TTN: variants seen among roughly 807,000 people sequenced by gnomAD.
TTN encodes the protein connectin.
Under a neutral mutation model 3,223.0 loss-of-function variants are expected in TTN, and 1,525 were observed. The observed-to-expected ratio is 0.47, with a 90% CI of 0.45 to 0.49. The LOEUF (loss-of-function observed/expected upper bound fraction) is 0.49, where lower values mean the gene tolerates loss of function less well. Among genes scored for constraint, TTN ranks in the 20% least tolerant of loss-of-function variants. TTN has a pLI of 0.00. For synonymous variants in TTN, 14,094 were observed against 15,161.0 expected, an observed-to-expected ratio of 0.93 and a Z score of 5.17; for missense variants, 40,786 against 43,424.0, an observed-to-expected ratio of 0.94 and a Z score of 5.40.
chr2:178,666,765 A>G, intron 163 of TTN, 59 bp downstream of exon 163: 1 of 1,395,418 alleles, frequency 7.2e-7, no homozygotes, highest in Non-Finnish European at 9.7e-7. Context: ...GTATTTTTAC[A>G]TGTGTTAAGT....
In TTN at chr2:178,714,000, G is replaced by C; in HGVS notation, c.26658C>G (p.Gly8886=). The change falls in exon 92 of 363, where the codon GGC becomes GGG. Residue 8886 remains glycine (G), a synonymous_variant. Transcript: ENST00000589042. ...TCGGTGCTACATTGATGATCTTAAG[G>C]CCGGATACTTTGTTGAAGAAGCTTA... is the stretch of plus-strand genomic sequence containing the variant. The part of the protein sequence containing the change: ...YKISFFNKVS[G]LKIINVAPSD... The C allele has an allele frequency of 6.2e-7, 1 of 1,613,560 alleles. No individual in the cohort carries two copies. Among genetic ancestry groups the C allele is most frequent in the South Asian group, 1.1e-5 (1 of 91,046 alleles).
Position 178,591,009 on chromosome 2 carries a change from C to G in TTN, c.60716G>C (p.Gly20239Ala). The G allele has an allele frequency of 6.2e-7, 1 of 1,613,454 alleles. No homozygotes were observed. Among genetic ancestry groups the G allele is most frequent in the Non-Finnish European group, 8.5e-7 (1 of 1,179,556 alleles). The change falls in exon 304 of 363, where the codon GGC becomes GCC. Residue 20239 changes from glycine (G) to alanine (A), a missense_variant. Coordinates refer to ENST00000589042, the MANE Select transcript of TTN (RefSeq NM_001267550.2). Reference sequence around the variant, plus strand: ...TCTAACTCGGAAAACATATTCACAGCCCTTCTGCAGATGTGGGATTTTCAG... The same window carrying G: ...TCTAACTCGGAAAACATATTCACAGGCCTTCTGCAGATGTGGGATTTTCAG... ...TKLKIPHLQK[G>A]CEYVFRVRAE...
chr2:178,678,275 A>G, intron 144 of TTN, 67 bp from the exon 145 acceptor site: 1 of 1,537,516 alleles, frequency 6.5e-7, no homozygotes, highest in Non-Finnish European at 8.8e-7. Flanking sequence ...TAGATATGAA[A>G]AAGAATCACA....
Position 178,618,423 on chromosome 2 carries a change from C to T in TTN, c.47035G>A (p.Glu15679Lys). Residue 15679 changes from glutamate (E) to lysine (K), a missense_variant, in exon 252 of 363, where the codon GAA becomes AAA. Transcript: ENST00000589042. The stretch of plus-strand genomic sequence containing the variant: ...CTTCCACCATCAGTTAAAGGTTCTT[C>T]CCAAGCAAGGCTCACTTCACCATCA... ...TFDGEVSLAW[E>K]EPLTDGGSKI... The T allele has an allele frequency of 6.2e-7, 1 of 1,612,516 alleles. No homozygotes were observed. The highest frequency in any genetic ancestry group is 8.5e-7 in the Non-Finnish European group (1 of 1,179,138).
At chr2:178,645,713 T>C (rs1331669301) in intron 217 of TTN, 1 of 383,688 alleles carries the variant, frequency 2.6e-6, no homozygotes, top group East Asian at 4.3e-5. Context: ...CAATGTACTT[T>C]CTGACTTTTG....
In TTN at chr2:178,573,951, T is replaced by C. The variant is rs201482015; in HGVS notation, c.72181A>G (p.Met24061Val). 7.9e-5 allele frequency: 127 copies of C among 1,613,362 alleles called. No homozygotes were observed. In the African/African-American group the frequency reaches 1.5e-3, roughly 19 times the overall value. ...ADVSGRPPPT[M>V]EWSKDGKELE... ...TCTTTTCCATCTTTGCTCCATTCCA[T>C]TGTTGGAGGTGGGCGGCCTGAAACA... is the stretch of plus-strand genomic sequence containing the variant. The change falls in exon 326 of 363, where the codon ATG (methionine) becomes GTG (valine). Residue 24061 changes from methionine (M) to valine (V), a missense_variant. Physicochemically the swap from Met to Val is conservative, Grantham distance 21. Transcript: ENST00000589042.
In TTN at chr2:178,534,796, A is replaced by G. The variant is rs184789288; in HGVS notation, c.101819T>C (p.Ile33940Thr). Residue 33940 changes from isoleucine (I) to threonine (T), a missense_variant, in exon 358 of 363, where the codon ATT becomes ACT. By Grantham distance (89) the Ile-to-Thr change is moderately conservative. Transcript: ENST00000589042. ...LHSHNIGHFD[I>T]RPENIIYQTR... The stretch of plus-strand genomic sequence containing the variant: ...TTGGTAAATGATATTTTCTGGTCTA[A>G]TGTCAAAGTGTCCAATATTATGACT... The G allele has an allele frequency of 6.2e-7, 1 of 1,612,262 alleles. No homozygotes were observed. Among genetic ancestry groups the G allele is most frequent in the East Asian group, 2.2e-5 (1 of 44,868 alleles).
rs1226052300 is a variant in TTN, at chr2:178,762,084, A to G, written c.10114+2093T>C. 2.0e-5 allele frequency among the ~76,000 whole-genome samples: 3 copies of G among 152,272 alleles called. No individual in the cohort carries two copies. The South Asian group carries it at 6.2e-4, about 32-fold the overall frequency. On this transcript the variant is annotated intron_variant, in intron 43 of 362. Coordinates refer to ENST00000589042, the MANE Select transcript of TTN (RefSeq NM_001267550.2). ...GCTTCAGAAAGTATTACAACCCCCAAGAACATGGGAGCTTCTGAAGACTCC... is the reference window on the plus strand; with the variant it reads ...GCTTCAGAAAGTATTACAACCCCCAGGAACATGGGAGCTTCTGAAGACTCC...
In TTN at chr2:178,612,060, T is replaced by C. The variant is rs765976576; in HGVS notation, c.50351A>G (p.Gln16784Arg). The change falls in exon 267 of 363, where the codon CAG (glutamine) becomes CGG (arginine). Residue 16784 changes from glutamine to arginine, a missense_variant. By Grantham distance (43) the Gln-to-Arg change is conservative. Transcript: ENST00000589042. ...TATGAATTAATTCAAATTCTACCTCTGTATTGGTCTTCCACCATCATTTTT... is the reference window on the plus strand; with the variant it reads ...TATGAATTAATTCAAATTCTACCTCCGTATTGGTCTTCCACCATCATTTTT... ...PPKNDGGRPI[Q>R]RYVIEKKERL... is the part of the protein sequence containing the mutation. The C allele has an allele frequency of 6.2e-7, 1 of 1,609,124 alleles. No individual in the cohort carries two copies.
chr2:178,699,480 C>T (rs1462551206), intron 111 of TTN, among the ~76,000 whole-genome samples: 1 of 128,778 alleles, frequency 7.8e-6, no homozygotes, highest in African/African-American at 2.9e-5. Flanking sequence ...GGCGCAATCT[C>T]GGCTCACTGC....
chr2:178,536,605 G>A, intron 356 of TTN, 30 bp from the exon 357 acceptor site: 1 of 1,463,516 alleles, frequency 6.8e-7, no homozygotes, highest in South Asian at 1.5e-5. Context: ...TTTGAGTCAT[G>A]AGATGAAACA....
rs1303024823 is a variant in TTN at position 178,568,833 on chromosome 2, A to T, written c.77299T>A (p.Tyr25767Asn). ...TTTACAGCAACAACTCTAAAAAGAT[A>T]TTCTTCCCCTTGAGTTAGGTTGGTA... ...VITNLTQGEE[Y>N]LFRVVAVNEK... The change falls in exon 326 of 363, where the codon TAT becomes AAT. Residue 25767 changes from tyrosine (Y) to asparagine (N), a missense_variant. Tyr to Asn is a moderately radical substitution (Grantham distance 143). Transcript: ENST00000589042. The T allele has an allele frequency of 2.5e-6, 4 of 1,613,176 alleles. No individual in the cohort carries two copies. The highest frequency in any genetic ancestry group is 2.2e-5 in the East Asian group (1 of 44,786).
Position 178,574,636 on chromosome 2 carries a change from G to A in TTN, c.71496C>T (p.Thr23832=), listed in dbSNP as rs1272759155. The change falls in exon 326 of 363, where the codon ACC becomes ACT. Residue 23832 remains threonine, a synonymous_variant. Coordinates refer to ENST00000589042, the MANE Select transcript of TTN (RefSeq NM_001267550.2). ...YPFKVPGPPG[T]PQVTAVTKDS... ...CCTTGGTAACTGCAGTTACCTGAGG[G>A]GTACCAGGAGGTCCAGGAACCTTAA... is the stretch of plus-strand genomic sequence containing the variant. 1 of 1,612,856 alleles carries A rather than the reference G, an allele frequency of 6.2e-7. No individual in the cohort carries two copies. Among genetic ancestry groups the A allele is most frequent in the Non-Finnish European group, 8.5e-7 (1 of 1,179,340 alleles).
Position 178,568,730 on chromosome 2 carries a change from T to G in TTN, c.77402A>C (p.Lys25801Thr). The change falls in exon 326 of 363, where the codon AAA becomes ACA. Residue 25801 changes from lysine to threonine, a missense_variant. Coordinates refer to ENST00000589042, the MANE Select transcript of TTN (RefSeq NM_001267550.2). The part of the protein sequence containing the change: ...AKDLVIEPDV[K>T]PAFSSYSVQV... The stretch of plus-strand genomic sequence containing the variant: ...TACACTGTAACTACTGAATGCAGGT[T>G]TTACATCTGGCTCAATTACCAGATC... 1 of 1,613,208 alleles carries G rather than the reference T, an allele frequency of 6.2e-7. No individual in the cohort carries two copies. The highest frequency in any genetic ancestry group is 1.1e-5 in the South Asian group (1 of 91,030).
chr2:178,569,510 T>C lies in TTN; in HGVS notation c.76622A>G (p.Glu25541Gly). 1 of 1,612,620 alleles carries C rather than the reference T, an allele frequency of 6.2e-7. No individual in the cohort carries two copies. The highest frequency in any genetic ancestry group is 8.5e-7 in the Non-Finnish European group (1 of 1,179,056). Residue 25541 changes from glutamate to glycine, a missense_variant, in exon 326 of 363, where the codon GAA (glutamate) becomes GGA (glycine). Glu to Gly is a moderately conservative substitution (Grantham distance 98). Transcript: ENST00000589042. ...FVPIKGRPTP[E>G]VKWGKVDGEI... is the part of the protein sequence containing the mutation. ...ACCATCCACCTTTCCCCATTTAACT[T>C]CTGGTGTAGGACGACCTTTTATAGG...
At chr2:178,538,493 A>T in intron 354 of TTN, 47 bp downstream of exon 354, 2 of 1,546,060 alleles carry the variant, frequency 1.3e-6, no homozygotes, top group South Asian at 2.5e-5. Flanking sequence ...ATTAGCCTTA[A>T]CTTGTTTAGT....
At chr2:178,720,744 G>A in intron 79 of TTN, 81 bp from the exon 80 acceptor site, 1 of 1,420,192 alleles carries the variant, frequency 7.0e-7, no homozygotes, top group Non-Finnish European at 9.3e-7. Context: ...ACCTTGAAGA[G>A]TGACTGGTGT....
At chr2:178,683,921 G>T in intron 133 of TTN, 78 bp downstream of exon 133, 3 of 1,044,536 alleles carry the variant, frequency 2.9e-6, no homozygotes, top group Non-Finnish European at 1.3e-6. Context: ...TTTTTCTAAT[G>T]GAACCTATTC....
At chr2:178,602,931 A>C (rs1321182507) in intron 282 of TTN, among the ~76,000 whole-genome samples, 1 of 152,038 alleles carries the variant, frequency 6.6e-6, no homozygotes, top group East Asian at 1.9e-4. Context: ...TACTGAAAAC[A>C]TGATTTAAAT....
Sources: allele counts gnomAD v4.1 joint callset (sites outside exome capture counted in the v4.1 genomes callset), GRCh38; gene constraint gnomAD v4.1.1; transcripts MANE v1.5; gene names NCBI Gene and HGNC (gene_info 2026-07-23, HGNC 2026-07-21).